Variants in CTNND2 observed in about 807,000 individuals in gnomAD.
The protein encoded by CTNND2 is catenin delta 2, also known as catenin delta-2.
A neutral mutation model predicts 144.4 loss-of-function variants in CTNND2; 22 were observed. That is an observed-to-expected ratio of 0.15 (90% CI 0.11 to 0.22). The LOEUF is 0.22. Ranked by LOEUF, CTNND2 falls within the 10% of genes least tolerant of loss-of-function variation. The probability of loss-of-function intolerance (pLI) is 1.00; values close to 1 mark genes in which losing one functional copy is unlikely to be tolerated. For synonymous variants in CTNND2, 751 were observed against 695.6 expected, an observed-to-expected ratio of 1.08 and a Z score of -1.25; for missense variants, 1,353 against 1,618.8, an observed-to-expected ratio of 0.84 and a Z score of 2.82.
chr5:11,512,117 A>T (rs774857580), intron 3 of CTNND2, among the ~76,000 whole-genome samples: 23 of 152,178 alleles, frequency 1.5e-4, no homozygotes, highest in Non-Finnish European at 3.1e-4. Flanking sequence ...TCTTGGGCAT[A>T]TGACCTACGC....
intron 2 of CTNND2, among the ~76,000 whole-genome samples, chr5:11,697,529 A>G (rs1372399888): frequency 1.3e-5 from 2 of 152,348 alleles, no homozygotes; most frequent in Non-Finnish European, 2.9e-5. Flanking sequence ...TCACTAAAAT[A>G]GGGATTTCCA....
chr5:11,723,988 G>A lies in CTNND2; in HGVS notation c.174+8148C>T, dbSNP rs1375989174. 2.0e-5 allele frequency among the ~76,000 whole-genome samples: 3 copies of A among 151,812 alleles called. No homozygotes were observed. In the East Asian group the frequency reaches 5.8e-4, roughly 29 times the overall value. ...AAGAATGGTGTGAACCCGGGAGGCG[G>A]ACCTTGCAGCGAGCTGAGATCACAC... On this transcript the variant is annotated intron_variant, in intron 2 of 21. Coordinates refer to ENST00000304623, the MANE Select transcript of CTNND2 (RefSeq NM_001332.4).
intron 3 of CTNND2, among the ~76,000 whole-genome samples, chr5:11,416,740 C>T (rs762949494): frequency 1.2e-4 from 18 of 152,014 alleles, no homozygotes; most frequent in Non-Finnish European, 1.9e-4. Context: ...ATAATAGAAA[C>T]GTCATTTTTG....
intron 11 of CTNND2, among the ~76,000 whole-genome samples, chr5:11,163,836 T>C (rs1201341345): frequency 2.6e-5 from 4 of 152,228 alleles, no homozygotes; most frequent in African/African-American, 9.6e-5. Flanking sequence ...TTCTTCACGT[T>C]TGCAATTCAA....
At chr5:11,171,970 A>G (rs954339638) in intron 11 of CTNND2, among the ~76,000 whole-genome samples, 3 of 152,244 alleles carry the variant, frequency 2.0e-5, no homozygotes, top group Non-Finnish European at 4.4e-5. Flanking sequence ...AAAAAAGTTC[A>G]ACAACAAAAT....
intron 1 of CTNND2, among the ~76,000 whole-genome samples, chr5:11,803,580 T>G (rs1157658234): frequency 1.3e-5 from 2 of 152,134 alleles, no homozygotes; most frequent in African/African-American, 4.8e-5. Flanking sequence ...TCACTGAATG[T>G]TAAGGCTACC....
At position 11,236,910 on chromosome 5, in the gene CTNND2, C is replaced by A. The variant is rs1010561434; in HGVS notation, c.1629-87G>T. The A allele has an allele frequency of 4.3e-6, 6 of 1,401,266 alleles. No individual in the cohort carries two copies. In the African/African-American group the frequency reaches 4.3e-5, roughly 10 times the overall value. 86.8% of individuals were successfully genotyped at this position (1,401,266 alleles called of 1,614,324 possible). The stretch of plus-strand genomic sequence containing the variant: ...ATGGTTAGCTCGTGTATGAAATGTA[C>A]CTGACTCTAAAAGAAAATATTTCAT... On this transcript the variant is annotated intron_variant, in intron 9 of 21. Transcript: ENST00000304623.
In CTNND2 at chr5:11,472,859, T is replaced by C. The variant is rs186190285; in HGVS notation, c.288-60790A>G. 7.2e-4 allele frequency among the ~76,000 whole-genome samples: 110 copies of C among 152,320 alleles called. 1 individual carries two copies. The highest frequency in any genetic ancestry group is 3.4e-3 in the Middle Eastern group (1 of 294). On this transcript the variant is annotated intron_variant, in intron 3 of 21. Transcript: ENST00000304623. Reference sequence around the variant, plus strand: ...AAATGGATAAAACCAAAATGTTTCCTAGTCTCGTCTAAGAGGAGAGACCTT... The same window carrying C: ...AAATGGATAAAACCAAAATGTTTCCCAGTCTCGTCTAAGAGGAGAGACCTT...
At chr5:11,040,057 G>A (rs1190017861) in intron 16 of CTNND2, among the ~76,000 whole-genome samples, 1 of 151,912 alleles carries the variant, frequency 6.6e-6, no homozygotes, top group Non-Finnish European at 1.5e-5. Flanking sequence ...AGTGAACTCT[G>A]TCTCAAAAAA....
chr5:11,114,268 G>C (rs1753321157), intron 13 of CTNND2, among the ~76,000 whole-genome samples: 1 of 152,122 alleles, frequency 6.6e-6, no homozygotes, highest in South Asian at 2.1e-4. Flanking sequence ...TTTAACAAAT[G>C]ACTCCTGGGG....
intron 3 of CTNND2, among the ~76,000 whole-genome samples, chr5:11,471,725 AT>A (rs1767253213): frequency 6.6e-6 from 1 of 152,220 alleles, no homozygotes; most frequent in African/African-American, 2.4e-5. Flanking sequence ...TCTGAGAAAA[AT>A]TGATACAGAA....
intron 13 of CTNND2, among the ~76,000 whole-genome samples, chr5:11,113,152 C>CA (rs1233687591): frequency 3.3e-5 from 5 of 151,802 alleles, no homozygotes; most frequent in South Asian, 4.2e-4. Flanking sequence ...AAAAGAAAAA[C>CA]AAAAAAACAA....
intron 3 of CTNND2, among the ~76,000 whole-genome samples, chr5:11,515,126 A>C (rs1181907461): frequency 6.6e-6 from 1 of 151,468 alleles, no homozygotes; most frequent in East Asian, 1.9e-4. Context: ...AAAAAAAAAA[A>C]CGCATTTCCT....
Position 10,988,490 on chromosome 5 carries a change from C to A in CTNND2, c.3212-248G>T, listed in dbSNP as rs958727407. Reference sequence around the variant, plus strand: ...GATTTGGAGGCTGGCAACTGGGGACCACATCCTGGGGCCATCTTCCTCAGA... The same window carrying A: ...GATTTGGAGGCTGGCAACTGGGGACAACATCCTGGGGCCATCTTCCTCAGA... On this transcript the variant is annotated intron_variant, in intron 19 of 21. Transcript: ENST00000304623. The surrounding 1 kb of genome is among the most constrained non-coding windows in gnomAD (Gnocchi z 5.9). 2.6e-5 allele frequency among the ~76,000 whole-genome samples: 4 copies of A among 152,256 alleles called. No individual in the cohort carries two copies. The highest frequency in any genetic ancestry group is 2.6e-4 in the Admixed American group (4 of 15,298).
chr5:11,125,840 T>A (rs1162572917), intron 12 of CTNND2, among the ~76,000 whole-genome samples: 1 of 152,258 alleles, frequency 6.6e-6, no homozygotes, highest in African/African-American at 2.4e-5. Context: ...CATTTGGTGT[T>A]TATCATTCAA....
chr5:11,201,815 G>A (rs1462769797), intron 10 of CTNND2, among the ~76,000 whole-genome samples: 1 of 152,054 alleles, frequency 6.6e-6, no homozygotes, highest in African/African-American at 2.4e-5. Flanking sequence ...AAAGAAGTGG[G>A]AAACAACTTT....
At chr5:11,408,186 T>C (rs755354058) in intron 5 of CTNND2, among the ~76,000 whole-genome samples, 9 of 152,252 alleles carry the variant, frequency 5.9e-5, no homozygotes, top group Non-Finnish European at 5.9e-5. Flanking sequence ...TCTTCATAAA[T>C]AGTCCCTTAA....
At chr5:11,129,408 G>C (rs1035733655) in intron 12 of CTNND2, among the ~76,000 whole-genome samples, 4 of 142,128 alleles carry the variant, frequency 2.8e-5, no homozygotes, top group Non-Finnish European at 4.5e-5. Context: ...TCTCAATGCC[G>C]TGAGGCCAGG....
intron 2 of CTNND2, among the ~76,000 whole-genome samples, chr5:11,685,172 T>C (rs1444839295): frequency 1.3e-5 from 2 of 152,174 alleles, no homozygotes; most frequent in Non-Finnish European, 2.9e-5. Context: ...CCCTAAGACA[T>C]TTTCTTTGTC....
Sources: allele counts gnomAD v4.1 joint callset (sites outside exome capture counted in the v4.1 genomes callset), GRCh38; gene constraint gnomAD v4.1.1; non-coding constraint Gnocchi (gnomAD v3.1); transcripts MANE v1.5; gene names NCBI Gene and HGNC (gene_info 2026-07-23, HGNC 2026-07-21).